Variants in SLC35D1 observed in about 807,000 individuals in gnomAD.
The protein encoded by SLC35D1 is nucleotide sugar transporter SLC35D1.
SLC35D1 carries 31 observed loss-of-function variants against 46.7 expected under a neutral mutation model. The observed-to-expected ratio is 0.66, with a 90% CI of 0.50 to 0.90. The LOEUF (loss-of-function observed/expected upper bound fraction) is 0.90, where lower values mean the gene tolerates loss of function less well. SLC35D1 is among the 40% of genes least tolerant of loss of function. The probability of loss-of-function intolerance (pLI) is 0.00; values close to 1 mark genes in which losing one functional copy is unlikely to be tolerated. For missense variants in SLC35D1, 397 were observed against 426.2 expected (o/e 0.93, Z 0.60); for synonymous variants, 195 against 164.6 (o/e 1.18, Z -1.41).
chr1:67,005,220 T>C (rs1336048840), intron 11 of SLC35D1, among the ~76,000 whole-genome samples: 1 of 152,170 alleles, frequency 6.6e-6, no homozygotes, highest in African/African-American at 2.4e-5. Flanking sequence ...AGGACTCCCT[T>C]GGATTCCAGC....
At chr1:67,013,171 C>CATATGTATATATATATATATATATGTGTG (rs1484938863) in intron 10 of SLC35D1, among the ~76,000 whole-genome samples, 4 of 5,874 alleles carry the variant, frequency 6.8e-4, no homozygotes, top group Admixed American at 1.8e-3. Flanking sequence ...TATATATATC[C>CATATGTATATATATATATATATATGTGTG]TGTTCTTAAA....
Position 67,003,492 on chromosome 1 carries a change from A to C in SLC35D1, c.*848T>G, listed in dbSNP as rs2102223709. The C allele has an allele frequency of 6.6e-6, 1 of 152,406 alleles. No homozygotes were observed. Among genetic ancestry groups the C allele is most frequent in the East Asian group, 1.9e-4 (1 of 5,214 alleles). The allele number at this position is 152,406 out of a possible 1,614,324, so 9.4% of individuals were successfully genotyped here. On this transcript the variant is annotated 3_prime_UTR_variant, in exon 12 of 12. Transcript: ENST00000235345. ...AACTTACTCTTAGTGACATCTTCTG[A>C]ATAGATTAACAGAGCTAAATTCTCA... is the stretch of plus-strand genomic sequence containing the variant.
At chr1:66,974,435 TG>T in the SLC35D1 span, among the ~76,000 whole-genome samples, 264 of 148,850 alleles carry the variant, frequency 1.8e-3, 1 homozygote, top group African/African-American at 6.2e-3. Flanking sequence ...GTTTTTTTTT[TG>T]TTGTTGTTGT....
intron 1 of SLC35D1, among the ~76,000 whole-genome samples, chr1:67,053,421 C>A (rs1280330240): frequency 1.3e-5 from 2 of 152,196 alleles, no homozygotes; most frequent in South Asian, 2.1e-4. Flanking sequence ...AAGCCCCGGC[C>A]CCCTGTCCAG....
downstream of SLC35D1, among the ~76,000 whole-genome samples, chr1:66,998,259 C>A (rs1558145043): frequency 6.6e-6 from 1 of 151,956 alleles, no homozygotes; most frequent in Non-Finnish European, 1.5e-5. Flanking sequence ...GAGTCGGAGG[C>A]AGGTGGATCA....
chr1:66,981,113 G>T, the SLC35D1 span, among the ~76,000 whole-genome samples: 2 of 152,072 alleles, frequency 1.3e-5, no homozygotes. Context: ...TCTACATTTT[G>T]TAGGTGATAC....
chr1:67,036,127 T>C (rs1175403538), intron 8 of SLC35D1, among the ~76,000 whole-genome samples: 2 of 152,170 alleles, frequency 1.3e-5, no homozygotes, highest in African/African-American at 2.4e-5. Flanking sequence ...GAAGGATCCA[T>C]GTGCTGGGAA....
the SLC35D1 span, among the ~76,000 whole-genome samples, chr1:66,993,957 T>C: frequency 6.6e-6 from 1 of 152,196 alleles, no homozygotes; most frequent in Admixed American, 6.5e-5. Flanking sequence ...TGAGGTTAGG[T>C]GAAAGTACAC....
chr1:67,049,911 A>G (rs1645290082), intron 5 of SLC35D1, 61 bp from the exon 6 acceptor site: 2 of 1,203,390 alleles, frequency 1.7e-6, no homozygotes, highest in Admixed American at 1.8e-5. Context: ...ATTTTACAAC[A>G]GAAGCAAAAA....
chr1:66,977,242 T>C, the SLC35D1 span, among the ~76,000 whole-genome samples: 2 of 152,168 alleles, frequency 1.3e-5, no homozygotes, highest in South Asian at 4.2e-4. Flanking sequence ...CCCGAGTAGC[T>C]GGGATTACAG....
chr1:67,003,973 T>G lies in SLC35D1; in HGVS notation c.*367A>C. 4.3e-6 allele frequency: 1 copy of G among 230,542 alleles called. No homozygotes were observed. The highest frequency in any genetic ancestry group is 6.1e-5 in the South Asian group (1 of 16,454). 14.3% of individuals were successfully genotyped at this position (230,542 alleles called of 1,614,324 possible). A position where few individuals can be genotyped will look rare whatever the true frequency, so the allele number is the denominator to read the frequency against. Reference sequence around the variant, plus strand: ...CCAGATGCAGCAACAATTTGAATGATGAAGCTCCAGTTGGCAAACATTACA... The same window carrying G: ...CCAGATGCAGCAACAATTTGAATGAGGAAGCTCCAGTTGGCAAACATTACA... On this transcript the variant is annotated 3_prime_UTR_variant, in exon 12 of 12. Coordinates refer to ENST00000235345, the MANE Select transcript of SLC35D1 (RefSeq NM_015139.3).
intron 7 of SLC35D1, among the ~76,000 whole-genome samples, chr1:67,046,793 T>G (rs1035169584): frequency 6.6e-6 from 1 of 152,234 alleles, no homozygotes; most frequent in Non-Finnish European, 1.5e-5. Flanking sequence ...AACACTGTGT[T>G]GCCCCTAAGA....
intron 11 of SLC35D1, among the ~76,000 whole-genome samples, chr1:67,007,161 G>A (rs1015895596): frequency 2.6e-5 from 4 of 152,084 alleles, no homozygotes; most frequent in South Asian, 2.1e-4. Context: ...AATTATAAAC[G>A]TCTTACTCCA....
intron 3 of SLC35D1, 103 bp from the exon 4 acceptor site, chr1:67,052,182 C>T (rs1375816379): frequency 1.2e-6 from 1 of 831,834 alleles, no homozygotes. Context: ...AAATTTTTTC[C>T]ACTTAAAACG....
chr1:66,981,302 G>C, the SLC35D1 span, among the ~76,000 whole-genome samples: 1 of 152,158 alleles, frequency 6.6e-6, no homozygotes, highest in Non-Finnish European at 1.5e-5. Context: ...GCTCAGATCT[G>C]GCAGAAATAT....
chr1:67,008,535 G>A (rs1331240046), intron 11 of SLC35D1: 34 of 1,065,080 alleles, frequency 3.2e-5, no homozygotes, highest in East Asian at 6.1e-5. Context: ...GGAACGTGCC[G>A]AACTGCTTCC....
At chr1:66,991,079 C>T in the SLC35D1 span, among the ~76,000 whole-genome samples, 2 of 152,120 alleles carry the variant, frequency 1.3e-5, no homozygotes, top group African/African-American at 2.4e-5. Flanking sequence ...CCCTTTGTAC[C>T]GCTGCCATTC....
At chr1:67,028,118 T>A (rs72673767) in intron 8 of SLC35D1, among the ~76,000 whole-genome samples, 2 of 138,932 alleles carry the variant, frequency 1.4e-5, no homozygotes, top group Non-Finnish European at 1.6e-5. Flanking sequence ...TTTAGAGGTG[T>A]GCTAATTTGC....
intron 10 of SLC35D1, among the ~76,000 whole-genome samples, chr1:67,012,987 TA>T (rs937627449): frequency 2.6e-5 from 4 of 151,376 alleles, no homozygotes; most frequent in South Asian, 4.2e-4. Flanking sequence ...GTATCTTCAA[TA>T]AAAAAAATTC....
Sources: allele counts gnomAD v4.1 joint callset (sites outside exome capture counted in the v4.1 genomes callset), GRCh38; gene constraint gnomAD v4.1.1; transcripts MANE v1.5; gene names NCBI Gene and HGNC (gene_info 2026-07-23, HGNC 2026-07-21).